The following SEZ6 variants were observed in gnomAD, a reference collection of about 807,000 sequenced individuals.
The protein encoded by SEZ6 is seizure related 6 homolog, also known as seizure protein 6 homolog.
A neutral mutation model predicts 101.0 loss-of-function variants in SEZ6; 53 were observed. That is an observed-to-expected ratio of 0.52 (90% CI 0.42 to 0.66). The LOEUF (loss-of-function observed/expected upper bound fraction) is 0.66. Among genes scored for constraint, SEZ6 ranks in the 30% least tolerant of loss-of-function variants. SEZ6 has a pLI of 0.00. For missense variants in SEZ6, 1,102 were observed against 1,289.4 expected, an observed-to-expected ratio of 0.85 and a Z score of 2.23; for synonymous variants, 488 against 512.2, an observed-to-expected ratio of 0.95 and a Z score of 0.64.
Position 28,959,076 on chromosome 17 carries a change from G to A in SEZ6, c.2056C>T (p.Pro686Ser), listed in dbSNP as rs764092285. The A allele has an allele frequency of 1.9e-6, 3 of 1,613,988 alleles. No homozygotes were observed. Among genetic ancestry groups the A allele is most frequent in the South Asian group, 1.1e-5 (1 of 91,080 alleles). The change falls in exon 10 of 17, where the codon CCC becomes TCC. Residue 686 changes from proline (P) to serine (S), a missense_variant. Coordinates refer to ENST00000317338, the MANE Select transcript of SEZ6 (RefSeq NM_178860.5). This position sits in a 1 kb window ranked among gnomAD's most constrained non-coding sequence, Gnocchi z 4.4. ...ADVTIQFQSDPGTSVLGYQQG... is the reference protein window; with the variant it reads ...ADVTIQFQSDSGTSVLGYQQG... ...TGGTAGCCCAGCACTGAGGTCCCGG[G>A]GTCCGACTGGAACTGAATGGTGACA...
Position 28,959,423 on chromosome 17 carries a change from G to A in SEZ6, c.1821C>T (p.Pro607=), listed in dbSNP as rs1475566211. 4.3e-6 allele frequency: 7 copies of A among 1,613,710 alleles called. No homozygotes were observed. Among genetic ancestry groups the A allele is most frequent in the African/African-American group, 4.0e-5 (3 of 74,916 alleles). The change falls in exon 9 of 17, where the codon CCC becomes CCT. Residue 607 remains proline, a synonymous_variant. Coordinates refer to ENST00000317338, the MANE Select transcript of SEZ6 (RefSeq NM_178860.5). This position sits in a 1 kb window ranked among gnomAD's most constrained non-coding sequence, Gnocchi z 4.4. ...ITDSAGVVLS[P]NWPEPYGRGQ... ...CACGACCGTAGGGCTCTGGCCAGTTGGGAGAGAGTACCACGCCAGCCGAGT... is the reference window on the plus strand; with the variant it reads ...CACGACCGTAGGGCTCTGGCCAGTTAGGAGAGAGTACCACGCCAGCCGAGT...
intron 3 of SEZ6, among the ~76,000 whole-genome samples, chr17:28,972,689 G>C (rs1327273989): frequency 1.3e-5 from 2 of 152,232 alleles, no homozygotes; most frequent in Non-Finnish European, 2.9e-5. Context: ...TTCAAACTTG[G>C]AGATTCTGTG....
chr17:28,980,372 A>ATT lies in SEZ6; in HGVS notation c.725-561_725-560dup, dbSNP rs377432862. Among the ~76,000 whole-genome samples, 768 of 134,866 alleles carry ATT rather than the reference A, an allele frequency of 5.7e-3. 8 individuals are homozygous for ATT. Among genetic ancestry groups the ATT allele is most frequent in the African/African-American group, 0.017 (605 of 36,448 alleles). 88.5% of individuals were successfully genotyped at this position (134,866 alleles called of 152,430 possible). On this transcript the variant is annotated intron_variant, in intron 2 of 16. Transcript: ENST00000317338. ...CAGGTGTACACCACCATGCCTGGCT[A>ATT]TTTTTTTTTTTTTTTGAGACAGAGT...
intron 4 of SEZ6, 66 bp downstream of exon 4, chr17:28,969,690 AC>A (rs1240669292): frequency 1.5e-6 from 2 of 1,339,198 alleles, no homozygotes; most frequent in East Asian, 3.0e-5. Context: ...TTGCACAGAG[AC>A]CCCCCTCCCC....
chr17:28,959,000 C>CT, intron 10 of SEZ6, 25 bp downstream of exon 10: 1 of 1,591,446 alleles, frequency 6.3e-7, no homozygotes, highest in East Asian at 2.2e-5. Context: ...TGTCTGCACT[C>CT]TGAGTGGGGT....
Position 28,955,891 on chromosome 17 carries a change from G to A in SEZ6, c.*71C>T, listed in dbSNP as rs1235969992. On this transcript the variant is annotated 3_prime_UTR_variant, in exon 17 of 17. Transcript: ENST00000317338. ...AGGTGGAGGGACAGCAGGAAGCAAG[G>A]AGCCTTGCTGCTGGACTGTGGTGCA... 1.3e-6 allele frequency: 2 copies of A among 1,534,810 alleles called. No individual in the cohort carries two copies. The highest frequency in any genetic ancestry group is 1.7e-4 in the Middle Eastern group (1 of 5,970).
intron 4 of SEZ6, 59 bp downstream of exon 4, chr17:28,969,698 C>T (rs75143881): frequency 1.6e-5 from 22 of 1,382,602 alleles, no homozygotes; most frequent in Non-Finnish European, 2.1e-5. Flanking sequence ...AGACCCCCCT[C>T]CCCAGCAAGG....
At chr17:28,977,607 G>A (rs1029965372) in intron 3 of SEZ6, among the ~76,000 whole-genome samples, 1 of 152,236 alleles carries the variant, frequency 6.6e-6, no homozygotes, top group Non-Finnish European at 1.5e-5. Flanking sequence ...TTGTGCCTGG[G>A]CCAGAGAGGG....
At chr17:28,969,678 A>T in intron 4 of SEZ6, 79 bp downstream of exon 4, 2 of 1,284,696 alleles carry the variant, frequency 1.6e-6, no homozygotes, top group Non-Finnish European at 2.0e-6. Context: ...TCTAGGATGT[A>T]ATTGCACAGA....
Position 28,981,453 on chromosome 17 carries a change from G to C in SEZ6, c.642C>G (p.Ser214=). 1.3e-6 allele frequency: 2 copies of C among 1,565,372 alleles called. No individual in the cohort carries two copies. The highest frequency in any genetic ancestry group is 1.7e-6 in the Non-Finnish European group (2 of 1,154,342). The change falls in exon 2 of 17, where the codon TCC becomes TCG. Residue 214 remains serine (S), a synonymous_variant. Coordinates refer to ENST00000317338, the MANE Select transcript of SEZ6 (RefSeq NM_178860.5). ...CCTCATCATCTCCTGAAGCTGTGGA[G>C]GAGGTGATGGTCCCCTGGATCCCGA... The part of the protein sequence containing the change: ...AGIGIQGTIT[S]STASGDDEET...
intron 3 of SEZ6, among the ~76,000 whole-genome samples, chr17:28,974,689 C>T (rs2041198761): frequency 6.6e-6 from 1 of 152,226 alleles, no homozygotes; most frequent in African/African-American, 2.4e-5. Flanking sequence ...GTCCAGTGTC[C>T]TGTCTTGTGT....
chr17:28,960,240 T>C, intron 7 of SEZ6: 1 of 584,610 alleles, frequency 1.7e-6, no homozygotes, highest in Admixed American at 3.0e-5. Flanking sequence ...GGTTGAGGCC[T>C]TTTTTGCTTT....
At position 29,005,079 on chromosome 17, in the gene SEZ6, GT is replaced by G. The variant is rs2041668445; in HGVS notation, c.55+735del. Reference sequence around the variant, plus strand: ...GAGGGAGGCAGAGCTCGGGGCAGTGGTGTGTGTGTGTGTGTGTGTGTGTGTG... The same window carrying G: ...GAGGGAGGCAGAGCTCGGGGCAGTGGGTGTGTGTGTGTGTGTGTGTGTGTG... On this transcript the variant is annotated intron_variant, in intron 1 of 16. Transcript: ENST00000317338. The surrounding 1 kb of genome is among the most constrained non-coding windows in gnomAD (Gnocchi z 4.8). Among the ~76,000 whole-genome samples the G allele has an allele frequency of 1.1e-3, 3 of 2,688 alleles. No individual in the cohort carries two copies. The highest frequency in any genetic ancestry group is 1.4e-3 in the African/African-American group (3 of 2,078). The allele number at this position is 2,688 out of a possible 152,430, so 1.8% of individuals were successfully genotyped here. A position where few individuals can be genotyped will look rare whatever the true frequency, so the allele number is the denominator to read the frequency against.
At chr17:28,958,602 C>T (rs945882323) in intron 10 of SEZ6, among the ~76,000 whole-genome samples, 1 of 151,978 alleles carries the variant, frequency 6.6e-6, no homozygotes, top group African/African-American at 2.4e-5. Context: ...CCAGCCAGGC[C>T]AACATGGCAA....
chr17:28,956,577 G>A, intron 14 of SEZ6, 110 bp from the exon 15 acceptor site: 1 of 1,469,032 alleles, frequency 6.8e-7, no homozygotes, highest in Non-Finnish European at 9.3e-7. Context: ...AGCTGGCTGG[G>A]TGTAGGGAAG....
chr17:28,984,010 G>A (rs1056099724), intron 1 of SEZ6, among the ~76,000 whole-genome samples: 1 of 152,158 alleles, frequency 6.6e-6, no homozygotes, highest in African/African-American at 2.4e-5. Context: ...CATTCTTCTG[G>A]GTCAGAGGAG....
intron 1 of SEZ6, among the ~76,000 whole-genome samples, chr17:29,003,693 C>T (rs937154194): frequency 6.6e-5 from 10 of 152,226 alleles, no homozygotes; most frequent in East Asian, 1.9e-4. Flanking sequence ...CCAGTCCAGC[C>T]GAGGAGAGAG....
chr17:28,959,596 C>G lies in SEZ6; in HGVS notation c.1771+102G>C, dbSNP rs919155679. 5.2e-6 allele frequency: 8 copies of G among 1,538,820 alleles called. No homozygotes were observed. The highest frequency in any genetic ancestry group is 1.8e-5 in the Admixed American group (1 of 54,690). On this transcript the variant is annotated intron_variant, in intron 8 of 16. Coordinates refer to ENST00000317338, the MANE Select transcript of SEZ6 (RefSeq NM_178860.5). This position sits in a 1 kb window ranked among gnomAD's most constrained non-coding sequence, Gnocchi z 4.4. ...ACCTCCTCCTTGGAGGAAGCCTGAACCACGCATATCACAGGGCCCCTGTGG... is the reference window on the plus strand; with the variant it reads ...ACCTCCTCCTTGGAGGAAGCCTGAAGCACGCATATCACAGGGCCCCTGTGG...
At chr17:28,962,271 C>T (rs571451907) in intron 5 of SEZ6, among the ~76,000 whole-genome samples, 1 of 152,316 alleles carries the variant, frequency 6.6e-6, no homozygotes, top group South Asian at 2.1e-4. Flanking sequence ...TCCTTCCATG[C>T]TGTCTCCTTG....
Sources: gnomAD v4.1 joint callset for allele counts (sites outside exome capture counted in the v4.1 genomes callset) on GRCh38, gnomAD v4.1.1 for gene constraint, Gnocchi (gnomAD v3.1) non-coding constraint, MANE v1.5 for transcripts, NCBI Gene and HGNC (gene_info 2026-07-23, HGNC 2026-07-21) for gene names.